The following COX7B2 variants were observed in gnomAD, a reference collection of about 807,000 sequenced individuals.
The protein encoded by COX7B2 is cytochrome c oxidase subunit 7B2, mitochondrial.
For missense variants in COX7B2, 109 were observed against 95.9 expected (o/e 1.14, Z -0.57); for synonymous variants, 37 against 32.1 (o/e 1.15, Z -0.51).
At chr4:46,742,658 T>G (rs1004873225) in intron 2 of COX7B2, among the ~76,000 whole-genome samples, 2 of 152,232 alleles carry the variant, frequency 1.3e-5, no homozygotes, top group South Asian at 4.1e-4. Context: ...CCTAAAAAGT[T>G]ACAGAAATGG....
chr4:46,882,739 T>G (rs577379210), intron 1 of COX7B2, among the ~76,000 whole-genome samples: 1 of 152,322 alleles, frequency 6.6e-6, no homozygotes, highest in South Asian at 2.1e-4. Flanking sequence ...TGACCCAAAT[T>G]TTTTAACAAC....
At chr4:46,870,099 G>C (rs761340462) in intron 1 of COX7B2, among the ~76,000 whole-genome samples, 1 of 151,956 alleles carries the variant, frequency 6.6e-6, no homozygotes, top group East Asian at 1.9e-4. Context: ...TTGTCTCACT[G>C]TTTTACTTCA....
chr4:46,873,646 G>A (rs781016622), intron 1 of COX7B2, among the ~76,000 whole-genome samples: 20 of 152,090 alleles, frequency 1.3e-4, no homozygotes, highest in Non-Finnish European at 2.5e-4. Flanking sequence ...AATATGGTAG[G>A]AGCTTAATAA....
At chr4:46,886,097 C>T (rs1421751124) in intron 1 of COX7B2, among the ~76,000 whole-genome samples, 2 of 152,072 alleles carry the variant, frequency 1.3e-5, no homozygotes, top group African/African-American at 4.8e-5. Context: ...GTACTTGCCC[C>T]AATGCCCTTG....
chr4:46,822,784 G>A (rs974291817), intron 2 of COX7B2, among the ~76,000 whole-genome samples: 1 of 151,916 alleles, frequency 6.6e-6, no homozygotes. Context: ...CATGAATGTA[G>A]ACATAAATTA....
intron 2 of COX7B2, among the ~76,000 whole-genome samples, chr4:46,765,334 G>GT (rs1716462658): frequency 6.6e-6 from 1 of 152,134 alleles, no homozygotes; most frequent in South Asian, 2.1e-4. Context: ...CGTAAGGAGA[G>GT]TGAAGTGAGT....
chr4:46,809,310 T>C (rs1016580220), intron 2 of COX7B2, among the ~76,000 whole-genome samples: 2 of 151,806 alleles, frequency 1.3e-5, no homozygotes, highest in Admixed American at 1.3e-4. Flanking sequence ...ATGTTTATTA[T>C]TGATTTCCTT....
At chr4:46,829,688 TAAG>T (rs1714936126) in intron 2 of COX7B2, among the ~76,000 whole-genome samples, 1 of 152,136 alleles carries the variant, frequency 6.6e-6, no homozygotes, top group Non-Finnish European at 1.5e-5. Flanking sequence ...AACTGGATCT[TAAG>T]AAGGTTTACA....
At chr4:46,791,318 C>G (rs2109586248) in intron 2 of COX7B2, among the ~76,000 whole-genome samples, 1 of 152,198 alleles carries the variant, frequency 6.6e-6, no homozygotes, top group Non-Finnish European at 1.5e-5. Context: ...AACAGTAACC[C>G]ACATTTTTAA....
intron 2 of COX7B2, among the ~76,000 whole-genome samples, chr4:46,803,721 T>C (rs1475359545): frequency 1.4e-5 from 2 of 144,778 alleles, no homozygotes; most frequent in Non-Finnish European, 3.0e-5. Context: ...AAATTAAGCC[T>C]GGTTTACTTT....
intron 1 of COX7B2, among the ~76,000 whole-genome samples, chr4:46,908,735 T>C (rs998832106): frequency 1.4e-4 from 7 of 48,440 alleles, no homozygotes; most frequent in African/African-American, 3.8e-4. Context: ...AAAAGGAAAG[T>C]GGCAAAAAAA....
At position 46,861,984 on chromosome 4, in the gene COX7B2, A is replaced by C. The variant is rs541580372; in HGVS notation, c.-104-16970T>G. 7.9e-5 allele frequency among the ~76,000 whole-genome samples: 12 copies of C among 152,278 alleles called. No individual in the cohort carries two copies. The South Asian group carries it at 2.3e-3, about 29-fold the overall frequency. ...CCCTACTATTGCCTTGCTCAAGTCC[A>C]TCTGTCTGGAGGTCCCAGACCCCTG... On this transcript the variant is annotated intron_variant, in intron 1 of 2. Coordinates refer to ENST00000355591, the MANE Select transcript of COX7B2 (RefSeq NM_130902.3).
chr4:46,810,734 G>C (rs1207626419), intron 2 of COX7B2, among the ~76,000 whole-genome samples: 1 of 152,098 alleles, frequency 6.6e-6, no homozygotes, highest in Admixed American at 6.6e-5. Context: ...GCCTCTAGCA[G>C]TGAGTTTTAT....
chr4:46,770,601 T>C (rs1214392544), intron 2 of COX7B2, among the ~76,000 whole-genome samples: 6 of 151,866 alleles, frequency 4.0e-5, no homozygotes, highest in Non-Finnish European at 8.8e-5. Context: ...ATCAAAATAG[T>C]ATGGCCCTGG....
intron 1 of COX7B2, among the ~76,000 whole-genome samples, chr4:46,846,324 G>A (rs901621222): frequency 5.3e-5 from 8 of 151,944 alleles, no homozygotes; most frequent in African/African-American, 1.9e-4. Context: ...AGGAAACAGG[G>A]ACCATAAACA....
chr4:46,887,142 C>T (rs982079121), intron 1 of COX7B2, among the ~76,000 whole-genome samples: 2 of 152,178 alleles, frequency 1.3e-5, no homozygotes, highest in African/African-American at 4.8e-5. Context: ...TTTCTCCTTC[C>T]TAATCTTCCC....
At chr4:46,881,994 T>C (rs1385963578) in intron 1 of COX7B2, among the ~76,000 whole-genome samples, 3 of 152,226 alleles carry the variant, frequency 2.0e-5, no homozygotes, top group Non-Finnish European at 1.5e-5. Flanking sequence ...CTACGTTGTA[T>C]CTTTGTTCTC....
intron 2 of COX7B2, among the ~76,000 whole-genome samples, chr4:46,738,992 G>C (rs944566221): frequency 1.3e-5 from 2 of 152,058 alleles, no homozygotes; most frequent in African/African-American, 4.8e-5. Flanking sequence ...CTTGATCTCA[G>C]TCTAACTACA....
chr4:46,865,158 G>A (rs966465065), intron 1 of COX7B2, among the ~76,000 whole-genome samples: 12 of 151,848 alleles, frequency 7.9e-5, no homozygotes, highest in African/African-American at 2.9e-4. Context: ...TATGTCTTTG[G>A]GTACTCATAG....
Sources: allele counts gnomAD v4.1 joint callset (sites outside exome capture counted in the v4.1 genomes callset), GRCh38; gene constraint gnomAD v4.1.1; transcripts MANE v1.5; gene names NCBI Gene and HGNC (gene_info 2026-07-23, HGNC 2026-07-21).